CNTFR: variants seen among roughly 807,000 people sequenced by gnomAD.
CNTFR encodes the protein ciliary neurotrophic factor receptor.
CNTFR carries 12 observed loss-of-function variants against 40.4 expected under a neutral mutation model. That is an observed-to-expected ratio of 0.30 (90% CI 0.19 to 0.48). The LOEUF (loss-of-function observed/expected upper bound fraction) is 0.48, where lower values mean the gene tolerates loss of function less well. CNTFR is among the 20% of genes least tolerant of loss of function. The pLI is 0.99. For synonymous variants in CNTFR, 202 were observed against 209.6 expected, an observed-to-expected ratio of 0.96 and a Z score of 0.31; for missense variants, 414 against 506.8, an observed-to-expected ratio of 0.82 and a Z score of 1.76.
chr9:34,570,435 C>T (rs1307491147), intron 2 of CNTFR, among the ~76,000 whole-genome samples: 6 of 152,210 alleles, frequency 3.9e-5, no homozygotes, highest in Non-Finnish European at 8.8e-5. Context: ...GGCAGTGAAG[C>T]CGTCGGCGAC....
chr9:34,552,573 G>T lies in CNTFR; in HGVS notation c.949+101C>A. 7.8e-7 allele frequency: 1 copy of T among 1,284,954 alleles called. No individual in the cohort carries two copies. Among genetic ancestry groups the T allele is most frequent in the Non-Finnish European group, 1.1e-6 (1 of 946,810 alleles). The allele number at this position is 1,284,954 out of a possible 1,614,324, so 79.6% of individuals were successfully genotyped here. A position where few individuals can be genotyped will look rare whatever the true frequency, so the allele number is the denominator to read the frequency against. ...GACAGGCAGAAGTGTGGCTACCCCC[G>T]GGAGCAGAGGCTGGAGGCAGCAGGG... On this transcript the variant is annotated intron_variant, in intron 8 of 9. Coordinates refer to ENST00000378980, the MANE Select transcript of CNTFR (RefSeq NM_147164.3). This position sits in a 1 kb window ranked among gnomAD's most constrained non-coding sequence, Gnocchi z 5.1.
chr9:34,572,828 G>A (rs952760546), intron 2 of CNTFR, among the ~76,000 whole-genome samples: 8 of 152,128 alleles, frequency 5.3e-5, no homozygotes, highest in African/African-American at 9.7e-5. Context: ...CAACAAACGG[G>A]GCAATGATAC....
intron 4 of CNTFR, among the ~76,000 whole-genome samples, chr9:34,561,531 G>T (rs527887757): frequency 6.6e-6 from 1 of 152,194 alleles, no homozygotes; most frequent in Admixed American, 6.5e-5. Flanking sequence ...GGCTCTGCTC[G>T]TGAGGATCCA....
Position 34,557,192 on chromosome 9 carries a change from T to TGGG in CNTFR, c.604+331_604+333dup, listed in dbSNP as rs146387952. Among the ~76,000 whole-genome samples, 1 of 134,890 alleles carries TGGG rather than the reference T, an allele frequency of 7.4e-6. No individual in the cohort carries two copies. Among genetic ancestry groups the TGGG allele is most frequent in the South Asian group, 2.5e-4 (1 of 4,000 alleles). The allele number at this position is 134,890 out of a possible 152,430, so 88.5% of individuals were successfully genotyped here. A position where few individuals can be genotyped will look rare whatever the true frequency, so the allele number is the denominator to read the frequency against. On this transcript the variant is annotated intron_variant, in intron 6 of 9. Transcript: ENST00000378980. This position sits in a 1 kb window ranked among gnomAD's most constrained non-coding sequence, Gnocchi z 4.2. Reference sequence around the variant, plus strand: ...CAGTCCGTAAGGAAGCCATTAGAGTTGGGGGGGGGTGCGGTGGAGGCTGCA... The same window carrying TGGG: ...CAGTCCGTAAGGAAGCCATTAGAGTTGGGGGGGGGGGGTGCGGTGGAGGCTGCA...
Position 34,558,768 on chromosome 9 carries a change from G to A in CNTFR, c.320-784C>T, listed in dbSNP as rs1472634433. 3.9e-5 allele frequency among the ~76,000 whole-genome samples: 6 copies of A among 152,228 alleles called. No homozygotes were observed. In the East Asian group the frequency reaches 1.2e-3, roughly 29 times the overall value. On this transcript the variant is annotated intron_variant, in intron 4 of 9. Transcript: ENST00000378980. ...AGACCCTTTAAGAAGCCCTTTACATGGTAAGCAGCTGCCCTCACTCTGGAA... is the reference window on the plus strand; with the variant it reads ...AGACCCTTTAAGAAGCCCTTTACATAGTAAGCAGCTGCCCTCACTCTGGAA...
Position 34,568,993 on chromosome 9 carries a change from A to G in CNTFR, c.1-12T>C. On this transcript the variant is annotated splice_polypyrimidine_tract_variant and intron_variant, in intron 2 of 9. Transcript: ENST00000378980. The stretch of plus-strand genomic sequence containing the variant: ...ACAGGAGCAGCCATCTGTTGGGAGA[A>G]ACCGGGGTGGGGGAGGGGTCAGCAT... 1 of 1,581,408 alleles carries G rather than the reference A, an allele frequency of 6.3e-7. No homozygotes were observed. Among genetic ancestry groups the G allele is most frequent in the Non-Finnish European group, 8.6e-7 (1 of 1,163,706 alleles).
At chr9:34,571,102 C>A (rs931596476) in intron 2 of CNTFR, among the ~76,000 whole-genome samples, 1 of 152,208 alleles carries the variant, frequency 6.6e-6, no homozygotes, top group Non-Finnish European at 1.5e-5. Context: ...TGACCCTCAG[C>A]CCCTCACCAC....
At chr9:34,564,916 CTG>C (rs1337296024) in intron 3 of CNTFR, 84 bp from the exon 4 acceptor site, 3 of 1,181,932 alleles carry the variant, frequency 2.5e-6, no homozygotes, top group East Asian at 4.9e-5. Context: ...AGACAAGAGC[CTG>C]TGAGGATGGA....
At position 34,589,531 on chromosome 9, in the gene CNTFR, C is replaced by G. The variant is rs891961639; in HGVS notation, c.-112+24G>C. On this transcript the variant is annotated intron_variant, in intron 1 of 9. Transcript: ENST00000378980. This position sits in a 1 kb window ranked among gnomAD's most constrained non-coding sequence, Gnocchi z 4.4. ...CCCGGGCTCTGAGGGTCCGGCCGCGCGCACTCCGCCGCAGGGTACTCACCG... is the reference window on the plus strand; with the variant it reads ...CCCGGGCTCTGAGGGTCCGGCCGCGGGCACTCCGCCGCAGGGTACTCACCG... The G allele has an allele frequency of 6.6e-6, 1 of 152,236 alleles. No homozygotes were observed. Among genetic ancestry groups the G allele is most frequent in the Admixed American group, 6.5e-5 (1 of 15,268 alleles). 9.4% of individuals were successfully genotyped at this position (152,236 alleles called of 1,614,324 possible). A position where few individuals can be genotyped will look rare whatever the true frequency, so the allele number is the denominator to read the frequency against.
intron 2 of CNTFR, among the ~76,000 whole-genome samples, chr9:34,572,490 G>C (rs1826711759): frequency 6.6e-6 from 1 of 152,160 alleles, no homozygotes; most frequent in South Asian, 2.1e-4. Context: ...CCAGAATGAG[G>C]AGGGAACAGA....
intron 4 of CNTFR, among the ~76,000 whole-genome samples, chr9:34,560,633 A>G (rs1305083291): frequency 6.6e-6 from 1 of 152,240 alleles, no homozygotes; most frequent in African/African-American, 2.4e-5. Context: ...TGAACTGAAC[A>G]CCGTGTGAGT....
intron 7 of CNTFR, among the ~76,000 whole-genome samples, chr9:34,555,933 C>CCGCCATCTCCCTCCCT (rs1825816933): frequency 1.6e-5 from 2 of 127,818 alleles, no homozygotes; most frequent in Non-Finnish European, 3.4e-5. Context: ...TCTCCCTCCC[C>CCGCCATCTCCCTCCCT]CGCCATCTCC....
intron 1 of CNTFR, among the ~76,000 whole-genome samples, chr9:34,588,033 G>C (rs11792063): frequency 0.18 from 26,808 of 152,138 alleles, 2,698 homozygotes; most frequent in South Asian, 0.23. Context: ...GTGCATCTGA[G>C]TATGGATTCC....
chr9:34,581,674 T>G (rs1827294127), intron 1 of CNTFR, among the ~76,000 whole-genome samples: 1 of 152,264 alleles, frequency 6.6e-6, no homozygotes, highest in African/African-American at 2.4e-5. Flanking sequence ...TGCATTATCT[T>G]ACTTAATCTT....
chr9:34,558,079 C>G (rs1460827712), intron 4 of CNTFR, 95 bp from the exon 5 acceptor site: 4 of 867,464 alleles, frequency 4.6e-6, no homozygotes, highest in South Asian at 6.5e-5. Context: ...CAGCTCTCCC[C>G]CCTCAACCCA....
chr9:34,553,177 C>A (rs1453639025), intron 7 of CNTFR, among the ~76,000 whole-genome samples: 1 of 152,182 alleles, frequency 6.6e-6, no homozygotes, highest in Non-Finnish European at 1.5e-5. Flanking sequence ...TCTCTCACAG[C>A]CCCTAGCCCG....
At position 34,551,920 on chromosome 9, in the gene CNTFR, C is replaced by G; in HGVS notation, c.*151G>C. ...GCGGCAGGGCTGGGGGGCGGCAGGC[C>G]CGGGCCCGCCGGGGTCTCCACAAAT... On this transcript the variant is annotated 3_prime_UTR_variant, in exon 10 of 10. Transcript: ENST00000378980. 1 of 714,808 alleles carries G rather than the reference C, an allele frequency of 1.4e-6. No homozygotes were observed. The highest frequency in any genetic ancestry group is 1.5e-5 in the South Asian group (1 of 67,226). 44.3% of individuals were successfully genotyped at this position (714,808 alleles called of 1,614,324 possible).
intron 1 of CNTFR, among the ~76,000 whole-genome samples, chr9:34,584,835 T>C (rs1158551960): frequency 2.0e-5 from 3 of 152,230 alleles, no homozygotes; most frequent in Admixed American, 6.5e-5. Flanking sequence ...CAGCCTCCTC[T>C]GGTCCAGACC....
chr9:34,564,813 G>A lies in CNTFR; in HGVS notation c.105C>T (p.Tyr35=), dbSNP rs373873051. The A allele has an allele frequency of 3.6e-4, 573 of 1,613,684 alleles. 5 individuals are homozygous for A. In the South Asian group the frequency reaches 5.0e-3, roughly 14 times the overall value. The change falls in exon 4 of 10, where the codon TAC becomes TAT. Residue 35 remains tyrosine, a synonymous_variant. Coordinates refer to ENST00000378980, the MANE Select transcript of CNTFR (RefSeq NM_147164.3). ...GTGTCACGTCAGAGCCCAGGCGCTC[G>A]TACTGCACATGGGGTGCCTCTGTGG... ...HSPQEAPHVQ[Y]ERLGSDVTLP...
Sources: allele counts gnomAD v4.1 joint callset (sites outside exome capture counted in the v4.1 genomes callset), GRCh38; gene constraint gnomAD v4.1.1; non-coding constraint Gnocchi (gnomAD v3.1); transcripts MANE v1.5; gene names NCBI Gene and HGNC (gene_info 2026-07-23, HGNC 2026-07-21).